The following ATP13A4 variants were observed in gnomAD, a reference collection of about 807,000 sequenced individuals.
ATP13A4 encodes probable cation-transporting ATPase 13A4.
A neutral mutation model predicts 142.5 loss-of-function variants in ATP13A4; 114 were observed. The observed-to-expected ratio is 0.80, with a 90% confidence interval of 0.69 to 0.93. ATP13A4 has a LOEUF of 0.93. ATP13A4 is among the 40% of genes least tolerant of loss of function. ATP13A4 has a pLI of 0.00. For missense variants in ATP13A4, 1,392 were observed against 1,454.0 expected (o/e 0.96, Z 0.69); for synonymous variants, 488 against 514.8 (o/e 0.95, Z 0.70).
At chr3:193,585,709 A>G (rs1248201707) in intron 1 of ATP13A4, among the ~76,000 whole-genome samples, 1 of 152,014 alleles carries the variant, frequency 6.6e-6, no homozygotes, top group Non-Finnish European at 1.5e-5. Flanking sequence ...GGAGTATTTC[A>G]TTGTGTAAAT....
intron 22 of ATP13A4, 77 bp downstream of exon 22, chr3:193,438,946 C>T: frequency 7.0e-7 from 1 of 1,422,814 alleles, no homozygotes; most frequent in Non-Finnish European, 9.9e-7. Context: ...TATGACTACA[C>T]ACACTGGCAG....
chr3:193,520,045 C>T (rs635002), intron 1 of ATP13A4, among the ~76,000 whole-genome samples: 123,966 of 151,592 alleles, frequency 0.82, 50,830 homozygotes, highest in African/African-American at 0.89. Flanking sequence ...AAGTTTTTTC[C>T]TCCCACGTTG....
chr3:193,454,753 T>C lies in ATP13A4; in HGVS notation c.1916-541A>G, dbSNP rs183259452. The stretch of plus-strand genomic sequence containing the variant: ...TGACGACTTTTAAAACCTAAAACTA[T>C]AAAAGCCTGGAAGACAGCCTAGGCA... On this transcript the variant is annotated intron_variant, in intron 16 of 29. Transcript: ENST00000342695. Among the ~76,000 whole-genome samples the C allele has an allele frequency of 8.4e-4, 128 of 152,172 alleles. 1 individual carries two copies. The highest frequency in any genetic ancestry group is 5.4e-3 in the East Asian group (28 of 5,170).
intron 8 of ATP13A4, among the ~76,000 whole-genome samples, chr3:193,476,304 C>A (rs1203183838): frequency 6.6e-6 from 1 of 152,030 alleles, no homozygotes; most frequent in Non-Finnish European, 1.5e-5. Context: ...TTTCTTTAAA[C>A]CTCATAAGCC....
chr3:193,590,047 T>C (rs1724734404), intron 1 of ATP13A4, among the ~76,000 whole-genome samples: 1 of 151,926 alleles, frequency 6.6e-6, no homozygotes, highest in Admixed American at 6.6e-5. Flanking sequence ...TTTCATATTG[T>C]AATCATCCAG....
chr3:193,402,899 G>T (rs1211983542), intron 29 of ATP13A4, 35 bp from the exon 30 acceptor site: 1 of 1,593,398 alleles, frequency 6.3e-7, no homozygotes, highest in East Asian at 2.3e-5. Flanking sequence ...TACAAGCAAG[G>T]GTTGAGTGTT....
intron 2 of ATP13A4, chr3:193,579,480 T>C (rs1577088624): frequency 7.6e-6 from 1 of 131,634 alleles, no homozygotes; most frequent in African/African-American, 3.3e-5. Flanking sequence ...AATGGGAATA[T>C]ATATGTATTG....
At chr3:193,451,820 G>A (rs1717297957) in intron 17 of ATP13A4, among the ~76,000 whole-genome samples, 1 of 152,114 alleles carries the variant, frequency 6.6e-6, no homozygotes, top group African/African-American at 2.4e-5. Context: ...CAAAACAACA[G>A]CAAGAATGTT....
chr3:193,467,636 C>A, intron 9 of ATP13A4, 150 bp from the exon 10 acceptor site: 1 of 778,632 alleles, frequency 1.3e-6, no homozygotes, highest in Non-Finnish European at 2.2e-6. Flanking sequence ...CAAGCATAAA[C>A]ATAGTTCTTA....
chr3:193,415,764 C>G (rs1363778039), intron 25 of ATP13A4, among the ~76,000 whole-genome samples: 1 of 152,176 alleles, frequency 6.6e-6, no homozygotes, highest in East Asian at 1.9e-4. Context: ...AAAAAAATTA[C>G]AGTTGATACA....
chr3:193,402,767 G>C lies in ATP13A4; in HGVS notation c.3476C>G (p.Ala1159Gly). 6 of 1,613,910 alleles carry C rather than the reference G, an allele frequency of 3.7e-6. No homozygotes were observed. Among genetic ancestry groups the C allele is most frequent in the Non-Finnish European group, 5.1e-6 (6 of 1,179,814 alleles). The change falls in exon 30 of 30, where the codon GCA becomes GGA. Residue 1159 changes from alanine to glycine, a missense_variant. Coordinates refer to ENST00000342695, the MANE Select transcript of ATP13A4 (RefSeq NM_032279.4). ...TAGCGGGGGCCAACTAGGGTCATTT[G>C]CCAAGTCCCTCTGCCATATCCGATA... ...SQYRIWQRDL[A>G]NDPSWPPLNQ...
At chr3:193,458,140 G>A (rs60154157) in intron 14 of ATP13A4, among the ~76,000 whole-genome samples, 1,664 of 152,276 alleles carry the variant, frequency 0.011, 32 homozygotes, top group African/African-American at 0.038. Context: ...AATGCTCCAG[G>A]AGATTTGGAA....
At chr3:193,486,445 G>A (rs1453807027) in intron 7 of ATP13A4, among the ~76,000 whole-genome samples, 1 of 152,266 alleles carries the variant, frequency 6.6e-6, no homozygotes, top group African/African-American at 2.4e-5. Flanking sequence ...GATGCCAGGG[G>A]ATATTTAGGA....
At chr3:193,527,701 A>G (rs1722090767) in intron 1 of ATP13A4, among the ~76,000 whole-genome samples, 1 of 151,302 alleles carries the variant, frequency 6.6e-6, no homozygotes, top group Non-Finnish European at 1.5e-5. Context: ...ACCTTCCATC[A>G]TGATTGTAAG....
chr3:193,498,739 T>A (rs1277808730), intron 3 of ATP13A4, among the ~76,000 whole-genome samples: 1 of 152,224 alleles, frequency 6.6e-6, no homozygotes, highest in Non-Finnish European at 1.5e-5. Context: ...GATTCCTATT[T>A]GAGAACTTCA....
chr3:193,483,941 CTCCCACAT>C lies in ATP13A4; in HGVS notation c.795_802del (p.Cys266LysfsTer30). 6.3e-7 allele frequency: 1 copy of C among 1,593,670 alleles called. No homozygotes were observed. The highest frequency in any genetic ancestry group is 8.6e-7 in the Non-Finnish European group (1 of 1,161,598). On this transcript the variant is annotated frameshift_variant, in exon 8 of 30. Coordinates refer to ENST00000342695, the MANE Select transcript of ATP13A4 (RefSeq NM_032279.4). LOFTEE classifies it high-confidence loss of function. ...TCTAAAATAATGGAACTTACCTTTT[CTCCCACAT>C]ACAGAGACCGTAATGCTATTATGTG...
In ATP13A4 at chr3:193,402,018, T is replaced by C. The variant is rs1490165866; in HGVS notation, c.*634A>G. ...GTTGAAGCAGTCACTGCTGTAAGAA[T>C]GGCAGTTCCAGAGTGTCACCTGGAT... On this transcript the variant is annotated 3_prime_UTR_variant, in exon 30 of 30. Transcript: ENST00000342695. 6.5e-6 allele frequency: 1 copy of C among 153,056 alleles called. No individual in the cohort carries two copies. Among genetic ancestry groups the C allele is most frequent in the African/African-American group, 2.4e-5 (1 of 41,468 alleles). 9.5% of individuals were successfully genotyped at this position (153,056 alleles called of 1,614,324 possible). A position where few individuals can be genotyped will look rare whatever the true frequency, so the allele number is the denominator to read the frequency against.
chr3:193,569,046 A>G (rs1724201593), intron 2 of ATP13A4, among the ~76,000 whole-genome samples: 1 of 152,224 alleles, frequency 6.6e-6, no homozygotes, highest in South Asian at 2.1e-4. Flanking sequence ...AGAGTATAGT[A>G]TAGAAAAGAA....
intron 8 of ATP13A4, among the ~76,000 whole-genome samples, chr3:193,481,043 A>G (rs993688294): frequency 6.6e-6 from 1 of 152,202 alleles, no homozygotes; most frequent in Non-Finnish European, 1.5e-5. Flanking sequence ...TAAACATCAT[A>G]TGTTCTCACT....
Sources: gnomAD v4.1 joint callset for allele counts (sites outside exome capture counted in the v4.1 genomes callset) on GRCh38, gnomAD v4.1.1 for gene constraint, MANE v1.5 for transcripts, NCBI Gene and HGNC (gene_info 2026-07-23, HGNC 2026-07-21) for gene names.